TMPRSS11F: variants seen among roughly 807,000 people sequenced by gnomAD.
The protein encoded by TMPRSS11F is transmembrane serine protease 11F, also known as transmembrane protease serine 11F.
TMPRSS11F carries 47 observed loss-of-function variants against 60.2 expected under a neutral mutation model. The ratio of observed to expected loss-of-function variants is 0.78; its 90% CI spans 0.62 to 1.00. TMPRSS11F has a LOEUF of 1.00. TMPRSS11F is among the 50% of genes least tolerant of loss of function. The probability of loss-of-function intolerance (pLI) is 0.00; values close to 1 mark genes in which losing one functional copy is unlikely to be tolerated. For synonymous variants in TMPRSS11F, 166 were observed against 167.3 expected (o/e 0.99, Z 0.06); for missense variants, 519 against 522.9 (o/e 0.99, Z 0.07).
chr4:68,056,054 A>G (rs1217127955), intron 9 of TMPRSS11F, among the ~76,000 whole-genome samples: 1 of 152,196 alleles, frequency 6.6e-6, no homozygotes, highest in East Asian at 1.9e-4. Flanking sequence ...AATAAAAGCC[A>G]TATATTGGCT....
intron 3 of TMPRSS11F, among the ~76,000 whole-genome samples, chr4:68,088,636 C>G (rs147819979): frequency 0.036 from 5,407 of 152,086 alleles, 274 homozygotes; most frequent in African/African-American, 0.11. Flanking sequence ...TGACCACATA[C>G]TTGGAAGTAA....
At chr4:68,094,341 T>C (rs1446071394) in intron 2 of TMPRSS11F, among the ~76,000 whole-genome samples, 11 of 133,494 alleles carry the variant, frequency 8.2e-5, no homozygotes, top group South Asian at 2.6e-4. Flanking sequence ...TAGGTGGGAA[T>C]TGAACAATGA....
chr4:68,118,570 T>C (rs1724568860), intron 1 of TMPRSS11F, among the ~76,000 whole-genome samples: 1 of 152,244 alleles, frequency 6.6e-6, no homozygotes, highest in Non-Finnish European at 1.5e-5. Flanking sequence ...AACAGGTCTT[T>C]AGTCATAAGC....
At chr4:68,120,683 C>A (rs1045675672) in intron 1 of TMPRSS11F, among the ~76,000 whole-genome samples, 2 of 152,158 alleles carry the variant, frequency 1.3e-5, no homozygotes, top group Admixed American at 6.5e-5. Context: ...CCACCGCGCC[C>A]GGCCGAGAAA....
chr4:68,084,802 T>C (rs1475046723), intron 3 of TMPRSS11F, among the ~76,000 whole-genome samples: 1 of 149,752 alleles, frequency 6.7e-6, no homozygotes, highest in Non-Finnish European at 1.5e-5. Context: ...GTTACATATG[T>C]ATACATGTGC....
At chr4:68,059,577 T>G in intron 8 of TMPRSS11F, 109 bp from the exon 9 acceptor site, 1 of 1,048,714 alleles carries the variant, frequency 9.5e-7, no homozygotes, top group Non-Finnish European at 1.3e-6. Context: ...ATTATTTTAT[T>G]AACATTAGCT....
intron 8 of TMPRSS11F, chr4:68,061,883 G>GA (rs1313178536): frequency 4.7e-6 from 2 of 423,118 alleles, no homozygotes; most frequent in Non-Finnish European, 9.2e-6. Context: ...AGAAGCAAAT[G>GA]AAAAATGAAC....
chr4:68,107,944 A>G (rs765988803), intron 1 of TMPRSS11F, among the ~76,000 whole-genome samples: 1 of 152,166 alleles, frequency 6.6e-6, no homozygotes, highest in Non-Finnish European at 1.5e-5. Flanking sequence ...TCAAATTTAA[A>G]AAAAAGAACC....
intron 1 of TMPRSS11F, among the ~76,000 whole-genome samples, chr4:68,114,163 G>A (rs1248829903): frequency 1.3e-5 from 2 of 151,764 alleles, no homozygotes; most frequent in African/African-American, 2.4e-5. Flanking sequence ...TAGAAAATAA[G>A]AAAACAAGAA....
intron 1 of TMPRSS11F, among the ~76,000 whole-genome samples, chr4:68,104,007 C>T (rs1724248556): frequency 1.3e-5 from 2 of 151,662 alleles, no homozygotes; most frequent in South Asian, 4.2e-4. Flanking sequence ...GATTTTGTAC[C>T]CCGCAACGTT....
At chr4:68,067,135 TATA>T (rs1483856849) in intron 7 of TMPRSS11F, among the ~76,000 whole-genome samples, 1 of 152,208 alleles carries the variant, frequency 6.6e-6, no homozygotes, top group East Asian at 1.9e-4. Flanking sequence ...TAAAATATGC[TATA>T]ATGTGTCTCC....
intron 1 of TMPRSS11F, among the ~76,000 whole-genome samples, chr4:68,105,201 C>T (rs1371602067): frequency 6.6e-6 from 1 of 151,706 alleles, no homozygotes; most frequent in Non-Finnish European, 1.5e-5. Flanking sequence ...CTTTGTATTG[C>T]ATCTATTTTA....
intron 7 of TMPRSS11F, among the ~76,000 whole-genome samples, chr4:68,066,698 G>A (rs1723335256): frequency 6.6e-6 from 1 of 152,214 alleles, no homozygotes; most frequent in Non-Finnish European, 1.5e-5. Context: ...CACTATGGGA[G>A]GCTGAGGCGG....
intron 3 of TMPRSS11F, among the ~76,000 whole-genome samples, chr4:68,088,189 T>G (rs1723855138): frequency 1.3e-5 from 2 of 151,410 alleles, no homozygotes; most frequent in South Asian, 2.1e-4. Flanking sequence ...AATAAAAGGA[T>G]GGAGGAAGAT....
chr4:68,115,973 A>G (rs1354170068), intron 1 of TMPRSS11F, among the ~76,000 whole-genome samples: 1 of 152,178 alleles, frequency 6.6e-6, no homozygotes, highest in Non-Finnish European at 1.5e-5. Context: ...AGAATAAACT[A>G]TCAATCACAA....
chr4:68,061,248 C>A (rs191049082), intron 8 of TMPRSS11F, among the ~76,000 whole-genome samples: 40 of 152,206 alleles, frequency 2.6e-4, no homozygotes, highest in African/African-American at 9.2e-4. Flanking sequence ...AAAGATCTTG[C>A]GACACTGTTC....
intron 9 of TMPRSS11F, among the ~76,000 whole-genome samples, chr4:68,056,047 A>AAAAGCCATATATTGGCTTTTATTATT (rs1295281014): frequency 2.6e-5 from 4 of 152,202 alleles, no homozygotes; most frequent in Non-Finnish European, 5.9e-5. Flanking sequence ...CAAACACAAT[A>AAAAGCCATATATTGGCTTTTATTATT]AAAGCCATAT....
chr4:68,082,747 A>G (rs191226353), intron 3 of TMPRSS11F, among the ~76,000 whole-genome samples: 85 of 152,378 alleles, frequency 5.6e-4, no homozygotes, highest in African/African-American at 2.0e-3. Flanking sequence ...CTGGTGCTGC[A>G]GCAGGGGAAG....
chr4:68,126,583 T>G (rs1456269409), intron 1 of TMPRSS11F, among the ~76,000 whole-genome samples: 2 of 152,242 alleles, frequency 1.3e-5, no homozygotes, highest in African/African-American at 4.8e-5. Context: ...ACTCCTAACC[T>G]TTCCTCTTTT....
Sources: gnomAD v4.1 joint callset for allele counts (sites outside exome capture counted in the v4.1 genomes callset) on GRCh38, gnomAD v4.1.1 for gene constraint, MANE v1.5 for transcripts, NCBI Gene and HGNC (gene_info 2026-07-23, HGNC 2026-07-21) for gene names.